KPNA7: variants seen among roughly 807,000 people sequenced by gnomAD.
The protein encoded by KPNA7 is karyopherin subunit alpha 7, also known as importin subunit alpha-8.
Under a neutral mutation model 53.7 loss-of-function variants are expected in KPNA7, and 54 were observed. The ratio of observed to expected loss-of-function variants is 1.01; its 90% CI spans 0.81 to 1.26. The LOEUF (loss-of-function observed/expected upper bound fraction) is 1.26. Among genes scored for constraint, KPNA7 ranks in the 50% most tolerant of loss-of-function variants. KPNA7 has a pLI of 0.00. For synonymous variants in KPNA7, 276 were observed against 259.3 expected (o/e 1.06, Z -0.62); for missense variants, 640 against 644.5 (o/e 0.99, Z 0.07).
chr7:99,215,618 G>A (rs139479028), intron 1 of KPNA7, among the ~76,000 whole-genome samples: 41 of 152,092 alleles, frequency 2.7e-4, no homozygotes, highest in African/African-American at 7.9e-4. Flanking sequence ...GTCACAGCTC[G>A]GATTCCGCTT....
intron 3 of KPNA7, among the ~76,000 whole-genome samples, chr7:99,200,703 C>T (rs1221975859): frequency 4.6e-5 from 7 of 152,244 alleles, no homozygotes; most frequent in South Asian, 2.1e-4. Flanking sequence ...AGGCCAGACA[C>T]GGTGGCTCAC....
At chr7:99,189,926 C>T (rs1337818253) in intron 6 of KPNA7, among the ~76,000 whole-genome samples, 1 of 152,094 alleles carries the variant, frequency 6.6e-6, no homozygotes, top group Non-Finnish European at 1.5e-5. Flanking sequence ...GTTTCTAACC[C>T]TTCTTTGGGG....
At chr7:99,177,549 T>A (rs1311240814) in intron 10 of KPNA7, among the ~76,000 whole-genome samples, 1 of 117,522 alleles carries the variant, frequency 8.5e-6, no homozygotes, top group African/African-American at 3.4e-5. Flanking sequence ...TCCTCCAGCC[T>A]GGGCAACAGA....
intron 2 of KPNA7, among the ~76,000 whole-genome samples, chr7:99,205,512 G>A (rs562642577): frequency 8.6e-5 from 13 of 151,830 alleles, no homozygotes; most frequent in Admixed American, 7.9e-4. Flanking sequence ...TCAGGCTTCT[G>A]GATTCCCAAG....
the KPNA7 span, among the ~76,000 whole-genome samples, chr7:99,163,383 A>ATATATATATATTTTTT: frequency 2.5e-5 from 1 of 40,804 alleles, no homozygotes; most frequent in Non-Finnish European, 4.2e-5. Context: ...ATATATATAT[A>ATATATATATATTTTTT]TTTTTTTTTT....
At chr7:99,174,711 A>C (rs1798838188) in intron 10 of KPNA7, among the ~76,000 whole-genome samples, 1 of 152,136 alleles carries the variant, frequency 6.6e-6, no homozygotes, top group South Asian at 2.1e-4. Context: ...TGAGTAAGCA[A>C]ATGATAGGTA....
the KPNA7 span, among the ~76,000 whole-genome samples, chr7:99,161,232 TCTCTCTCTCTCTCTCTCTCTCTCTC>T: frequency 2.9e-3 from 6 of 2,034 alleles, no homozygotes. Flanking sequence ...ACTCTCTCTC[TCTCTCTCTCTCTCTCTCTCTCTCTC>T]TCTCTCTCTC....
At chr7:99,160,777 T>G in the KPNA7 span, among the ~76,000 whole-genome samples, 3 of 152,144 alleles carry the variant, frequency 2.0e-5, no homozygotes, top group African/African-American at 7.2e-5. Flanking sequence ...GCCTCCAAGA[T>G]GGTTCCCAAT....
the KPNA7 span, among the ~76,000 whole-genome samples, chr7:99,163,385 T>TATATATATA: frequency 3.0e-5 from 2 of 67,318 alleles, no homozygotes; most frequent in African/African-American, 6.1e-5. Flanking sequence ...ATATATATAT[T>TATATATATA]TTTTTTTTTT....
the KPNA7 span, among the ~76,000 whole-genome samples, chr7:99,158,941 T>A: frequency 6.6e-6 from 1 of 152,110 alleles, no homozygotes; most frequent in Non-Finnish European, 1.5e-5. Flanking sequence ...CTTGGCTTAC[T>A]GCAACCTCCG....
upstream of KPNA7, among the ~76,000 whole-genome samples, chr7:99,210,019 CA>C (rs965140849): frequency 6.0e-5 from 9 of 150,344 alleles, no homozygotes; most frequent in Non-Finnish European, 1.3e-4. Flanking sequence ...AACAAACAAA[CA>C]AAAAAAAGAA....
chr7:99,192,981 AT>A (rs200635092), intron 6 of KPNA7, 37 bp downstream of exon 6: 412 of 1,373,418 alleles, frequency 3.0e-4, no homozygotes, highest in Non-Finnish European at 3.7e-4. Flanking sequence ...TAAAATTTTA[AT>A]TTAAAAAAAA....
the KPNA7 span, among the ~76,000 whole-genome samples, chr7:99,154,045 A>C: frequency 0.012 from 1,784 of 152,244 alleles, 34 homozygotes; most frequent in African/African-American, 0.041. Context: ...AATGTTTTCT[A>C]AATAATCACA....
intron 6 of KPNA7, among the ~76,000 whole-genome samples, chr7:99,192,800 G>C (rs1416840258): frequency 1.1e-4 from 17 of 151,952 alleles, no homozygotes; most frequent in Admixed American, 9.8e-4. Flanking sequence ...CCCAACATTA[G>C]AATTTGTTAC....
intron 2 of KPNA7, among the ~76,000 whole-genome samples, chr7:99,205,410 C>CAAAAAAAAAAA (rs61410237): frequency 1.5e-4 from 17 of 109,784 alleles, no homozygotes; most frequent in African/African-American, 6.9e-4. Flanking sequence ...GACTCCATCT[C>CAAAAAAAAAAA]AAAAAAAAAA....
At chr7:99,207,369 C>T in intron 2 of KPNA7, 32 bp downstream of exon 2, 1 of 1,543,202 alleles carries the variant, frequency 6.5e-7, no homozygotes, top group Non-Finnish European at 8.8e-7. Flanking sequence ...GCACTGGTCC[C>T]CAATAGAAGC....
At chr7:99,217,599 G>A (rs945879034) in intron 1 of KPNA7, among the ~76,000 whole-genome samples, 4 of 148,326 alleles carry the variant, frequency 2.7e-5, no homozygotes, top group African/African-American at 1.0e-4. Flanking sequence ...AAAGGCCCAG[G>A]AACGGGGACT....
chr7:99,175,816 G>T (rs1324413218), intron 10 of KPNA7, among the ~76,000 whole-genome samples: 5 of 151,938 alleles, frequency 3.3e-5, no homozygotes, highest in Non-Finnish European at 7.4e-5. Context: ...CCAGCCGAGA[G>T]CATCATCTTG....
At chr7:99,207,041 A>G (rs756102295) in intron 2 of KPNA7, among the ~76,000 whole-genome samples, 7 of 149,282 alleles carry the variant, frequency 4.7e-5, no homozygotes, top group Admixed American at 1.3e-4. Flanking sequence ...GCCCCCCGCT[A>G]TTTTTTTTTT....
Sources: gnomAD v4.1 joint callset for allele counts (sites outside exome capture counted in the v4.1 genomes callset) on GRCh38, gnomAD v4.1.1 for gene constraint, MANE v1.5 for transcripts, NCBI Gene and HGNC (gene_info 2026-07-23, HGNC 2026-07-21) for gene names.